RBFOX1: variants seen among roughly 807,000 people sequenced by gnomAD.
RBFOX1 encodes RNA binding fox-1 homolog 1.
A neutral mutation model predicts 57.7 loss-of-function variants in RBFOX1; 8 were observed. That is an observed-to-expected ratio of 0.14 (90% CI 0.08 to 0.25). The LOEUF (loss-of-function observed/expected upper bound fraction) is 0.25. Ranked by LOEUF, RBFOX1 falls within the 10% of genes least tolerant of loss-of-function variation. The pLI is 1.00. For missense variants in RBFOX1, 611 were observed against 548.5 expected, an observed-to-expected ratio of 1.11 and a Z score of -1.14; for synonymous variants, 326 against 222.4, an observed-to-expected ratio of 1.47 and a Z score of -4.15.
intron 4 of RBFOX1, among the ~76,000 whole-genome samples, chr16:5,894,551 A>G (rs992725935): frequency 6.6e-6 from 1 of 152,146 alleles, no homozygotes; most frequent in African/African-American, 2.4e-5. Context: ...CTGGTATTAC[A>G]GGAGTGAGCC....
At chr16:6,460,306 T>A (rs982692056) in intron 2 of RBFOX1, among the ~76,000 whole-genome samples, 2 of 152,018 alleles carry the variant, frequency 1.3e-5, no homozygotes, top group Non-Finnish European at 1.5e-5. Context: ...ACACTGGTCA[T>A]AGTGGACAAC....
chr16:6,555,846 C>G (rs530144909), intron 2 of RBFOX1, among the ~76,000 whole-genome samples: 2 of 152,320 alleles, frequency 1.3e-5, no homozygotes, highest in South Asian at 2.1e-4. Context: ...CTATGAAATG[C>G]ACGTGACTAG....
At chr16:5,743,717 T>A (rs1442712133) in intron 3 of RBFOX1, among the ~76,000 whole-genome samples, 2 of 152,208 alleles carry the variant, frequency 1.3e-5, no homozygotes, top group African/African-American at 4.8e-5. Context: ...TAACAAATTT[T>A]ATTTTTGTAC....
At chr16:5,409,086 T>C (rs1298069070) in intron 1 of RBFOX1, among the ~76,000 whole-genome samples, 1 of 151,940 alleles carries the variant, frequency 6.6e-6, no homozygotes, top group African/African-American at 2.4e-5. Flanking sequence ...TAAGGTAGGG[T>C]GGGCATAATT....
intron 4 of RBFOX1, among the ~76,000 whole-genome samples, chr16:7,269,227 T>C (rs910773508): frequency 2.0e-5 from 3 of 152,140 alleles, no homozygotes; most frequent in Admixed American, 1.3e-4. Context: ...TTTCTTTTTC[T>C]CTTCTCAGTG....
At chr16:6,707,482 T>G (rs1031340709) in intron 3 of RBFOX1, among the ~76,000 whole-genome samples, 1 of 150,940 alleles carries the variant, frequency 6.6e-6, no homozygotes, top group Non-Finnish European at 1.5e-5. Flanking sequence ...ATTTTTGTTT[T>G]TTTTTTTTTT....
intron 3 of RBFOX1, among the ~76,000 whole-genome samples, chr16:6,779,369 A>G (rs1366628626): frequency 6.6e-6 from 1 of 152,018 alleles, no homozygotes; most frequent in Non-Finnish European, 1.5e-5. Context: ...GTGGTTGAAT[A>G]ATATTCCATT....
intron 4 of RBFOX1, among the ~76,000 whole-genome samples, chr16:7,511,599 A>G (rs2075101303): frequency 6.6e-6 from 1 of 152,038 alleles, no homozygotes; most frequent in Admixed American, 6.5e-5. Flanking sequence ...ATGCTTCAGT[A>G]AAATATTTAA....
intron 3 of RBFOX1, among the ~76,000 whole-genome samples, chr16:6,919,443 A>G (rs1473145289): frequency 1.6e-5 from 2 of 122,334 alleles, no homozygotes; most frequent in African/African-American, 3.1e-5. Context: ...AAACTGGAAC[A>G]TAGAGGGTTT....
chr16:6,416,781 C>T (rs561835558), intron 2 of RBFOX1, among the ~76,000 whole-genome samples: 3 of 152,138 alleles, frequency 2.0e-5, no homozygotes, highest in South Asian at 4.1e-4. Context: ...ACAGGATACA[C>T]GGATACATCA....
At chr16:7,589,064 G>A (rs984127994) in intron 7 of RBFOX1, among the ~76,000 whole-genome samples, 17 of 152,118 alleles carry the variant, frequency 1.1e-4, no homozygotes, top group South Asian at 6.2e-4. Flanking sequence ...AGTTATTACG[G>A]GGACTATTGC....
intron 3 of RBFOX1, among the ~76,000 whole-genome samples, chr16:5,822,811 C>G (rs992870181): frequency 2.0e-5 from 3 of 152,132 alleles, no homozygotes; most frequent in Admixed American, 2.0e-4. Flanking sequence ...AACCTAGCTG[C>G]CCAGGTTTAA....
Position 6,380,398 on chromosome 16 carries a change from A to ATTTTTTT in RBFOX1, c.-64+63383_-64+63389dup, listed in dbSNP as rs60498960. Among the ~76,000 whole-genome samples, 8 of 49,158 alleles carry ATTTTTTT rather than the reference A, an allele frequency of 1.6e-4. 1 individual carries two copies. Among genetic ancestry groups the ATTTTTTT allele is most frequent in the Non-Finnish European group, 1.9e-4 (5 of 26,910 alleles). 32.2% of individuals were successfully genotyped at this position (49,158 alleles called of 152,430 possible). Reference sequence around the variant, plus strand: ...CGTCTGTGAGTGGTGAATGGTGGGGATTTTTTTTTTTTTTTTTTTTTTTTT... The same window carrying ATTTTTTT: ...CGTCTGTGAGTGGTGAATGGTGGGGATTTTTTTTTTTTTTTTTTTTTTTTTTTTTTTT... On this transcript the variant is annotated intron_variant, in intron 2 of 15. Transcript: ENST00000550418.
intron 9 of RBFOX1, 58 bp from the exon 10 acceptor site, chr16:7,607,227 A>G: frequency 6.9e-7 from 1 of 1,458,996 alleles, no homozygotes; most frequent in Non-Finnish European, 9.5e-7. Context: ...ATTCATTTGC[A>G]ATTATATAAG....
At chr16:5,772,791 T>C (rs891350468) in intron 3 of RBFOX1, among the ~76,000 whole-genome samples, 5 of 152,086 alleles carry the variant, frequency 3.3e-5, no homozygotes, top group African/African-American at 1.2e-4. Context: ...ATGCAACAAA[T>C]AATAGCCTGG....
rs2084162752 is a variant in RBFOX1 at position 7,712,580 on chromosome 16, T to A, written c.*1835T>A. ...AAAAGGGGGAGGGGGGAGCTACTTA[T>A]CAGCCAAAAGCATATAAAGTGTTCT... is the stretch of plus-strand genomic sequence containing the variant. On this transcript the variant is annotated 3_prime_UTR_variant, in exon 16 of 16. Transcript: ENST00000550418. 2 of 152,520 alleles carry A rather than the reference T, an allele frequency of 1.3e-5. No homozygotes were observed. Among genetic ancestry groups the A allele is most frequent in the South Asian group, 2.1e-4 (1 of 4,828 alleles). 9.4% of individuals were successfully genotyped at this position (152,520 alleles called of 1,614,324 possible).
chr16:6,061,943 C>T (rs1175265980), intron 1 of RBFOX1, among the ~76,000 whole-genome samples: 1 of 152,180 alleles, frequency 6.6e-6, no homozygotes, highest in Non-Finnish European at 1.5e-5. Context: ...TTGGAAGCCT[C>T]AGGTTGTGAC....
rs78394941 is a variant in RBFOX1, at chr16:5,426,837, G to C, written c.220-40379G>C. 5.4e-3 allele frequency among the ~76,000 whole-genome samples: 816 copies of C among 152,282 alleles called. 17 individuals carry two copies. Among genetic ancestry groups the C allele is most frequent in the East Asian group, 0.046 (239 of 5,174 alleles). ...AGTAAAAACAGACATCTGGAGATCA[G>C]ACCAGGTGGTTAAACAACGCAGTGA... is the stretch of plus-strand genomic sequence containing the variant. On this transcript the variant is annotated intron_variant, in intron 1 of 2. Transcript: ENST00000585867.
chr16:6,354,624 C>G (rs1245290134), intron 2 of RBFOX1, among the ~76,000 whole-genome samples: 1 of 152,176 alleles, frequency 6.6e-6, no homozygotes, highest in Admixed American at 6.5e-5. Flanking sequence ...TGACTGTATA[C>G]TAGCTGCAAG....
Sources: gnomAD v4.1 joint callset for allele counts (sites outside exome capture counted in the v4.1 genomes callset) on GRCh38, gnomAD v4.1.1 for gene constraint, MANE v1.5 for transcripts, NCBI Gene and HGNC (gene_info 2026-07-23, HGNC 2026-07-21) for gene names.